Variants in UBOX5 observed in about 807,000 individuals in gnomAD.
UBOX5 encodes the protein RING finger protein 37.
A neutral mutation model predicts 39.0 loss-of-function variants in UBOX5; 28 were observed. The observed-to-expected ratio is 0.72, with a 90% CI of 0.53 to 0.98. The LOEUF (loss-of-function observed/expected upper bound fraction) is 0.98. Among genes scored for constraint, UBOX5 ranks in the 50% least tolerant of loss-of-function variants. UBOX5 has a pLI of 0.00. For synonymous variants in UBOX5, 283 were observed against 275.5 expected, an observed-to-expected ratio of 1.03 and a Z score of -0.27; for missense variants, 585 against 674.4, an observed-to-expected ratio of 0.87 and a Z score of 1.47.
Position 3,121,388 on chromosome 20 carries a change from C to T in UBOX5, c.1251G>A (p.Ser417=), listed in dbSNP as rs775310425. The T allele has an allele frequency of 1.2e-5, 20 of 1,606,516 alleles. No individual in the cohort carries two copies. Among genetic ancestry groups the T allele is most frequent in the Non-Finnish European group, 1.7e-5 (20 of 1,176,094 alleles). Residue 417 remains serine (S), a synonymous_variant, in exon 3 of 5, where the codon TCG becomes TCA. Coordinates refer to ENST00000217173, the MANE Select transcript of UBOX5 (RefSeq NM_014948.4). ...GGACACAGGATGCTGAATTACCTGT[C>T]GAGCAGTCCATATGTGTCAGGCTGG... is the stretch of plus-strand genomic sequence containing the variant. ...NEPSLTHMDC[S]TGPLSHEQKL...
chr20:3,128,075 A>G (rs2066403640), intron 1 of UBOX5, among the ~76,000 whole-genome samples: 1 of 152,252 alleles, frequency 6.6e-6, no homozygotes, highest in Non-Finnish European at 1.5e-5. Context: ...GAAAGATTAT[A>G]TTAACAATGT....
chr20:3,114,501 G>A (rs1484484276), intron 4 of UBOX5, among the ~76,000 whole-genome samples: 2 of 152,098 alleles, frequency 1.3e-5, no homozygotes, highest in East Asian at 1.9e-4. Context: ...GTTCATTTTA[G>A]GCAAAATTGG....
intron 1 of UBOX5, among the ~76,000 whole-genome samples, chr20:3,134,489 T>C (rs184765537): frequency 2.2e-5 from 3 of 137,398 alleles, no homozygotes; most frequent in Admixed American, 1.6e-4. Flanking sequence ...ACCCGGGAGG[T>C]GGAGGTTGCA....
At chr20:3,129,827 C>T (rs754647497) in intron 1 of UBOX5, among the ~76,000 whole-genome samples, 17 of 152,080 alleles carry the variant, frequency 1.1e-4, no homozygotes, top group East Asian at 7.7e-4. Context: ...TAGAAAGCTC[C>T]GAATAAAATC....
At chr20:3,115,187 T>C (rs2066283698) in intron 4 of UBOX5, 118 bp downstream of exon 4, 1 of 1,333,834 alleles carries the variant, frequency 7.5e-7, no homozygotes, top group African/African-American at 1.5e-5. Flanking sequence ...GTGTTGGAAC[T>C]GACGGGGAGG....
chr20:3,158,266 T>G (rs1353405737), intron 1 of UBOX5, among the ~76,000 whole-genome samples: 1 of 151,562 alleles, frequency 6.6e-6, no homozygotes. Context: ...CCACCGCACC[T>G]GACCTTAGAA....
intron 1 of UBOX5, among the ~76,000 whole-genome samples, chr20:3,154,207 A>G (rs1283058961): frequency 1.3e-5 from 2 of 152,246 alleles, no homozygotes; most frequent in African/African-American, 4.8e-5. Context: ...AGCTGTGAAC[A>G]GACATAAAGA....
chr20:3,155,079 A>G (rs1363672445), intron 1 of UBOX5, among the ~76,000 whole-genome samples: 1 of 151,206 alleles, frequency 6.6e-6, no homozygotes, highest in Non-Finnish European at 1.5e-5. Context: ...AAAAGAAAAG[A>G]AAAGAAAAGA....
chr20:3,148,999 T>A, intron 1 of UBOX5: 1 of 1,614,196 alleles, frequency 6.2e-7, no homozygotes, highest in South Asian at 1.1e-5. Flanking sequence ...CACTTCGGAC[T>A]GCACCAAAGG....
intron 4 of UBOX5, among the ~76,000 whole-genome samples, chr20:3,114,126 C>T (rs570725544): frequency 6.6e-6 from 1 of 152,202 alleles, no homozygotes; most frequent in Non-Finnish European, 1.5e-5. Flanking sequence ...AGGGGCAAGA[C>T]TCCATCTTAA....
intron 1 of UBOX5, among the ~76,000 whole-genome samples, chr20:3,133,897 C>T (rs995981832): frequency 6.6e-5 from 10 of 151,890 alleles, no homozygotes; most frequent in African/African-American, 1.9e-4. Flanking sequence ...GGACTACAGG[C>T]GCGCACCACC....
intron 1 of UBOX5, among the ~76,000 whole-genome samples, chr20:3,130,489 T>C (rs1297961006): frequency 6.6e-6 from 1 of 151,972 alleles, no homozygotes; most frequent in East Asian, 1.9e-4. Flanking sequence ...GAACTACAGG[T>C]ATGGGTCACC....
At chr20:3,159,296 G>C (rs1397844993) in intron 1 of UBOX5, among the ~76,000 whole-genome samples, 1 of 152,184 alleles carries the variant, frequency 6.6e-6, no homozygotes, top group African/African-American at 2.4e-5. Flanking sequence ...GTAGGGCCTT[G>C]CTACTCAGTG....
intron 4 of UBOX5, among the ~76,000 whole-genome samples, chr20:3,111,334 C>T (rs1291712870): frequency 6.6e-6 from 1 of 152,200 alleles, no homozygotes; most frequent in African/African-American, 2.4e-5. Flanking sequence ...CATTTCATCA[C>T]CATAATCCAG....
At chr20:3,133,758 G>GT (rs897844327) in intron 1 of UBOX5, among the ~76,000 whole-genome samples, 11 of 118,928 alleles carry the variant, frequency 9.2e-5, no homozygotes, top group South Asian at 6.8e-4. Context: ...ATTTTTTTTG[G>GT]GGGGGGGAAA....
chr20:3,113,390 G>A (rs2066269595), intron 4 of UBOX5, among the ~76,000 whole-genome samples: 2 of 152,074 alleles, frequency 1.3e-5, no homozygotes, highest in Non-Finnish European at 2.9e-5. Context: ...CAGGACCTCA[G>A]AGGGAGTAGG....
chr20:3,158,855 T>C (rs2066717126), intron 1 of UBOX5, among the ~76,000 whole-genome samples: 1 of 152,218 alleles, frequency 6.6e-6, no homozygotes, highest in Non-Finnish European at 1.5e-5. Flanking sequence ...AGCTACAGAA[T>C]CTAGTTCTGG....
intron 1 of UBOX5, among the ~76,000 whole-genome samples, chr20:3,130,799 T>C (rs1300984333): frequency 6.6e-6 from 1 of 151,548 alleles, no homozygotes; most frequent in Non-Finnish European, 1.5e-5. Flanking sequence ...TTTTTTACAA[T>C]CCTATTATCT....
chr20:3,124,552 A>G lies in UBOX5; in HGVS notation c.-41-1146T>C, dbSNP rs1369966085. 9.0e-4 allele frequency among the ~76,000 whole-genome samples: 136 copies of G among 151,376 alleles called. 2 individuals are homozygous for G. The highest frequency in any genetic ancestry group is 3.1e-3 in the African/African-American group (129 of 41,062). ...CCTCTGCCCGGCCGCCACCCCATCT[A>G]GGAAGTGAGGAGCCTCTCTGCCTGG... On this transcript the variant is annotated intron_variant, in intron 1 of 4. Transcript: ENST00000217173.
Sources: allele counts gnomAD v4.1 joint callset (sites outside exome capture counted in the v4.1 genomes callset), GRCh38; gene constraint gnomAD v4.1.1; transcripts MANE v1.5; gene names NCBI Gene and HGNC (gene_info 2026-07-23, HGNC 2026-07-21).